Variants in CHD7 observed in about 807,000 individuals in gnomAD.
CHD7 encodes the protein chromodomain helicase DNA binding protein 7.
CHD7 carries 24 observed loss-of-function variants against 307.3 expected under a neutral mutation model. That is an observed-to-expected ratio of 0.08 (90% confidence interval 0.06 to 0.11). CHD7 has a LOEUF of 0.11. Among genes scored for constraint, CHD7 ranks in the 10% least tolerant of loss-of-function variants. The pLI, the probability that CHD7 is intolerant of heterozygous loss-of-function variation, is 1.00. For synonymous variants in CHD7, 1,363 were observed against 1,349.9 expected, an observed-to-expected ratio of 1.01 and a Z score of -0.21; for missense variants, 3,106 against 3,727.1, an observed-to-expected ratio of 0.83 and a Z score of 4.34.
chr8:60,823,828 T>A lies in CHD7; in HGVS notation c.3202-12T>A, dbSNP rs1804151102. ...ATTAATGCTTAATAATAATTCAGAG[T>A]TGTTCTTATAGGGTCGAGTGATAAA... On this transcript the variant is annotated splice_polypyrimidine_tract_variant and intron_variant, in intron 12 of 37. Transcript: ENST00000423902. The A allele has an allele frequency of 6.2e-7, 1 of 1,607,776 alleles. No individual in the cohort carries two copies. Among genetic ancestry groups the A allele is most frequent in the Non-Finnish European group, 8.5e-7 (1 of 1,174,466 alleles).
chr8:60,861,787 C>T (rs1805990681), intron 35 of CHD7: 1 of 156,238 alleles, frequency 6.4e-6, no homozygotes, highest in Non-Finnish European at 1.4e-5. Context: ...CCACCCCCTA[C>T]AAGATCTGTC....
intron 1 of CHD7, among the ~76,000 whole-genome samples, chr8:60,715,477 G>A (rs545826014): frequency 5.3e-5 from 8 of 152,184 alleles, no homozygotes; most frequent in African/African-American, 7.2e-5. Flanking sequence ...CTGCCACCAC[G>A]CCCAGCTAAT....
At chr8:60,745,943 T>G (rs922189443) in intron 2 of CHD7, among the ~76,000 whole-genome samples, 2 of 152,206 alleles carry the variant, frequency 1.3e-5, no homozygotes, top group Admixed American at 6.5e-5. Context: ...ATATGTTAAT[T>G]CTCCTCTAAT....
At chr8:60,729,970 A>G (rs913102529) in intron 1 of CHD7, among the ~76,000 whole-genome samples, 1 of 152,254 alleles carries the variant, frequency 6.6e-6, no homozygotes, top group Non-Finnish European at 1.5e-5. Flanking sequence ...TGTATGAAGT[A>G]CTTAAAATTA....
chr8:60,824,585 C>T, intron 13 of CHD7: 1 of 152,772 alleles, frequency 6.5e-6, no homozygotes, highest in Non-Finnish European at 1.5e-5. Context: ...TTTTTCAGTG[C>T]TCATAGGTTT....
chr8:60,741,551 A>G lies in CHD7; in HGVS notation c.119A>G (p.Gln40Arg). The G allele has an allele frequency of 6.2e-7, 1 of 1,613,616 alleles. No homozygotes were observed. The highest frequency in any genetic ancestry group is 8.5e-7 in the Non-Finnish European group (1 of 1,179,712). Residue 40 changes from glutamine (Q) to arginine (R), a missense_variant, in exon 2 of 38, where the codon CAA (glutamine) becomes CGA (arginine). By Grantham distance (43) the Gln-to-Arg change is conservative. This residue lies in a region of CHD7 where 998 missense variants were observed against 1,004.5 expected (regional missense o/e 0.99). Coordinates refer to ENST00000423902, the MANE Select transcript of CHD7 (RefSeq NM_017780.4). ...PENPVNPMGQ[Q>R]MPIDQGFASL... ...AATCCAGTAAATCCTATGGGTCAGC[A>G]AATGCCAATAGACCAAGGCTTTGCC...
intron 1 of CHD7, 127 bp from the exon 2 acceptor site, chr8:60,741,132 G>A (rs189430042): frequency 1.7e-4 from 65 of 383,744 alleles, no homozygotes; most frequent in African/African-American, 1.0e-3. Flanking sequence ...ACAGCTCAGC[G>A]AGGGAGCTAG....
intron 19 of CHD7, among the ~76,000 whole-genome samples, chr8:60,840,230 A>G (rs1331820001): frequency 6.6e-6 from 1 of 152,180 alleles, no homozygotes; most frequent in East Asian, 1.9e-4. Flanking sequence ...TCCAATCTGG[A>G]AAGGCTCTTC....
intron 1 of CHD7, among the ~76,000 whole-genome samples, chr8:60,689,441 A>G (rs1364408025): frequency 6.6e-6 from 1 of 152,246 alleles, no homozygotes; most frequent in Non-Finnish European, 1.5e-5. Flanking sequence ...TTGCTATTTT[A>G]CAGGTGAAGA....
At chr8:60,795,312 T>C (rs1003159267) in intron 4 of CHD7, among the ~76,000 whole-genome samples, 185 bp downstream of exon 4, 1 of 152,202 alleles carries the variant, frequency 6.6e-6, no homozygotes, top group African/African-American at 2.4e-5. Context: ...CAAGAAATTA[T>C]ACTCCTGACA....
At chr8:60,770,588 A>T (rs1199317459) in intron 2 of CHD7, among the ~76,000 whole-genome samples, 1 of 152,244 alleles carries the variant, frequency 6.6e-6, no homozygotes, top group Non-Finnish European at 1.5e-5. Context: ...TTTCCAAGTA[A>T]GTATCAGGAA....
chr8:60,711,226 A>C (rs760595857), intron 1 of CHD7, among the ~76,000 whole-genome samples: 3 of 152,228 alleles, frequency 2.0e-5, no homozygotes, highest in Non-Finnish European at 4.4e-5. Flanking sequence ...TTTTAGTAGT[A>C]GGCTTAATTA....
Position 60,846,164 on chromosome 8 carries a change from TTGTAGAGGACTGG to T in CHD7, c.5210+757_5210+769del, listed in dbSNP as rs1331832440. On this transcript the variant is annotated intron_variant, in intron 23 of 37. Coordinates refer to ENST00000423902, the MANE Select transcript of CHD7 (RefSeq NM_017780.4). ...GTTGTGAATAATGGTGCTATGAACA[TTGTAGAGGACTGG>T]TTTTTAACCAGTATCGGTTAGAGAA... Among the ~76,000 whole-genome samples, 9 of 152,316 alleles carry T rather than the reference TTGTAGAGGACTGG, an allele frequency of 5.9e-5. No homozygotes were observed. In the South Asian group the frequency reaches 1.0e-3, roughly 18 times the overall value.
At chr8:60,757,572 G>A (rs1197089098) in intron 2 of CHD7, among the ~76,000 whole-genome samples, 1 of 152,214 alleles carries the variant, frequency 6.6e-6, no homozygotes, top group African/African-American at 2.4e-5. Context: ...TCCTAAAGAG[G>A]TTGGTGTCCC....
At chr8:60,811,618 G>A (rs1282688417) in intron 7 of CHD7, among the ~76,000 whole-genome samples, 3 of 152,018 alleles carry the variant, frequency 2.0e-5, no homozygotes, top group Non-Finnish European at 2.9e-5. Context: ...TCCAATTACG[G>A]ATAATGCTAC....
chr8:60,834,726 G>T (rs1239281502), intron 15 of CHD7, among the ~76,000 whole-genome samples: 1 of 152,174 alleles, frequency 6.6e-6, no homozygotes, highest in Non-Finnish European at 1.5e-5. Flanking sequence ...ACTTTAATCT[G>T]TTCTCAGTAA....
At chr8:60,750,321 C>G (rs1197560927) in intron 2 of CHD7, among the ~76,000 whole-genome samples, 1 of 152,104 alleles carries the variant, frequency 6.6e-6, no homozygotes, top group Non-Finnish European at 1.5e-5. Context: ...TATTTAGTGC[C>G]TGTTATGTGC....
intron 3 of CHD7, among the ~76,000 whole-genome samples, chr8:60,791,559 A>G (rs974356695): frequency 6.6e-6 from 1 of 152,202 alleles, no homozygotes; most frequent in Non-Finnish European, 1.5e-5. Flanking sequence ...AGAGGAATAT[A>G]TGTCTGTGTT....
intron 2 of CHD7, among the ~76,000 whole-genome samples, chr8:60,767,876 AATT>A (rs751252615): frequency 1.3e-5 from 2 of 152,176 alleles, no homozygotes; most frequent in Non-Finnish European, 2.9e-5. Flanking sequence ...ACTGTCTAAT[AATT>A]ATTATTTTAT....
Sources: allele counts gnomAD v4.1 joint callset (sites outside exome capture counted in the v4.1 genomes callset), GRCh38; gene constraint gnomAD v4.1.1; regional missense constraint gnomAD v4.1.1; transcripts MANE v1.5; gene names NCBI Gene and HGNC (gene_info 2026-07-23, HGNC 2026-07-21).